Variants in REC114 observed in about 807,000 individuals in gnomAD.
REC114 encodes the protein meiotic recombination protein REC114.
REC114 carries 27 observed loss-of-function variants against 31.3 expected under a neutral mutation model. The ratio of observed to expected loss-of-function variants is 0.86; its 90% CI spans 0.64 to 1.19. The LOEUF (loss-of-function observed/expected upper bound fraction) is 1.19. REC114 is among the 50% of genes most tolerant of loss of function. REC114 has a pLI of 0.00. For synonymous variants in REC114, 134 were observed against 127.7 expected (o/e 1.05, Z -0.33); for missense variants, 344 against 326.9 (o/e 1.05, Z -0.40).
chr15:73,477,412 A>G (rs1380187992), intron 2 of REC114, among the ~76,000 whole-genome samples: 1 of 152,084 alleles, frequency 6.6e-6, no homozygotes, highest in Non-Finnish European at 1.5e-5. Context: ...TACCTATGCC[A>G]AGATTGCAAA....
At chr15:73,446,637 C>T (rs1595857254) in intron 1 of REC114, among the ~76,000 whole-genome samples, 1 of 148,200 alleles carries the variant, frequency 6.7e-6, no homozygotes, top group African/African-American at 2.5e-5. Context: ...AAGACTCTGT[C>T]TCAAAAAAAA....
intron 2 of REC114, among the ~76,000 whole-genome samples, chr15:73,505,811 C>T (rs971769199): frequency 3.9e-5 from 6 of 152,288 alleles, no homozygotes; most frequent in Middle Eastern, 3.4e-3. Context: ...GGATTACAGG[C>T]GTGAGCCACC....
intron 2 of REC114, among the ~76,000 whole-genome samples, chr15:73,506,741 ACT>A (rs939132119): frequency 1.3e-5 from 2 of 152,150 alleles, no homozygotes; most frequent in East Asian, 1.9e-4. Context: ...GAGGCAAATA[ACT>A]CTATCAAACT....
At chr15:73,526,310 T>C (rs938585182) in intron 2 of REC114, among the ~76,000 whole-genome samples, 3 of 152,232 alleles carry the variant, frequency 2.0e-5, no homozygotes, top group African/African-American at 7.2e-5. Context: ...TTGCATTTAA[T>C]GTGATTTTCT....
chr15:73,542,845 G>A (rs1261974767), intron 3 of REC114, among the ~76,000 whole-genome samples: 2 of 152,076 alleles, frequency 1.3e-5, no homozygotes, highest in African/African-American at 4.8e-5. Context: ...GGATGCACTA[G>A]GGTTTAACTC....
chr15:73,542,344 GAAAAA>G (rs11315254), intron 3 of REC114, among the ~76,000 whole-genome samples: 8 of 141,154 alleles, frequency 5.7e-5, no homozygotes, highest in African/African-American at 2.1e-4. Flanking sequence ...AAAAAAAAAA[GAAAAA>G]AAAAAAGAAA....
chr15:73,512,424 G>T, intron 2 of REC114, among the ~76,000 whole-genome samples: 1 of 33,562 alleles, frequency 3.0e-5, no homozygotes, highest in Middle Eastern at 6.0e-3. Flanking sequence ...TCTTTTAATT[G>T]GAGCATTTAG....
chr15:73,515,020 G>T (rs906124339), intron 2 of REC114, among the ~76,000 whole-genome samples: 6 of 150,300 alleles, frequency 4.0e-5, no homozygotes, highest in Non-Finnish European at 8.8e-5. Context: ...GCTTACTGCA[G>T]CCTCAACCTC....
intron 2 of REC114, among the ~76,000 whole-genome samples, chr15:73,510,428 C>G (rs1893746661): frequency 1.3e-5 from 2 of 151,486 alleles, no homozygotes; most frequent in Non-Finnish European, 2.9e-5. Flanking sequence ...ATTGAATACC[C>G]TTTATTTCCT....
At chr15:73,519,900 TATATG>T (rs1324156112) in intron 2 of REC114, among the ~76,000 whole-genome samples, 4 of 152,222 alleles carry the variant, frequency 2.6e-5, no homozygotes, top group East Asian at 3.8e-4. Context: ...TGATTCCTCT[TATATG>T]AGATGTCTAA....
At position 73,559,745 on chromosome 15, in the gene REC114, C is replaced by T; in HGVS notation, c.637-7C>T. 2.0e-6 allele frequency: 3 copies of T among 1,536,684 alleles called. No homozygotes were observed. The highest frequency in any genetic ancestry group is 1.3e-5 in the South Asian group (1 of 76,376). On this transcript the variant is annotated splice_polypyrimidine_tract_variant and splice_region_variant and intron_variant, in intron 5 of 5. Transcript: ENST00000331090. ...AATCTGTAACGACTTTTCTGGTATC[C>T]CTGCAGACTCTTCTGGCATCGGAGG...
intron 1 of REC114, among the ~76,000 whole-genome samples, chr15:73,463,894 C>G (rs1175515942): frequency 2.0e-5 from 3 of 151,922 alleles, no homozygotes; most frequent in Admixed American, 2.0e-4. Flanking sequence ...TTAAGATCTT[C>G]TTCTATCCAT....
intron 2 of REC114, among the ~76,000 whole-genome samples, chr15:73,485,893 C>G (rs1393284936): frequency 6.6e-6 from 1 of 152,224 alleles, no homozygotes; most frequent in East Asian, 1.9e-4. Flanking sequence ...TTTAAAACCA[C>G]TGTGATCAAT....
At chr15:73,459,724 C>T (rs372194523) in intron 1 of REC114, among the ~76,000 whole-genome samples, 8 of 152,274 alleles carry the variant, frequency 5.3e-5, no homozygotes, top group African/African-American at 1.9e-4. Context: ...AACCAACTGT[C>T]ATGGGCAGAA....
intron 2 of REC114, among the ~76,000 whole-genome samples, chr15:73,505,828 G>A (rs535760477): frequency 2.6e-5 from 4 of 152,234 alleles, no homozygotes; most frequent in African/African-American, 7.2e-5. Flanking sequence ...CACCGCGCCC[G>A]GCCTGCACTT....
chr15:73,557,896 T>G (rs1894494326), intron 5 of REC114, among the ~76,000 whole-genome samples: 1 of 152,236 alleles, frequency 6.6e-6, no homozygotes, highest in African/African-American at 2.4e-5. Context: ...CATATCAAAT[T>G]TAATATTATG....
intron 1 of REC114, among the ~76,000 whole-genome samples, chr15:73,465,510 T>G (rs546371434): frequency 6.6e-6 from 1 of 152,212 alleles, no homozygotes; most frequent in Non-Finnish European, 1.5e-5. Context: ...GTAACATCTG[T>G]GTCCTGTCTT....
chr15:73,468,598 T>A (rs530549651), intron 1 of REC114, among the ~76,000 whole-genome samples: 1 of 152,220 alleles, frequency 6.6e-6, no homozygotes, highest in African/African-American at 2.4e-5. Flanking sequence ...GGTAACAATG[T>A]TGAATAGAAG....
Position 73,491,900 on chromosome 15 carries a change from A to G in REC114, c.249+17979A>G, listed in dbSNP as rs191522615. Among the ~76,000 whole-genome samples, 423 of 150,904 alleles carry G rather than the reference A, an allele frequency of 2.8e-3. 3 individuals carry two copies. The highest frequency in any genetic ancestry group is 9.7e-3 in the African/African-American group (398 of 41,178). On this transcript the variant is annotated intron_variant, in intron 2 of 5. Coordinates refer to ENST00000331090, the MANE Select transcript of REC114 (RefSeq NM_001042367.2). ...GGGTGACAGAGTGAAACTCTGTCTCAAGAAAAAAAAAAAAGTGATTGTACC... is the reference window on the plus strand; with the variant it reads ...GGGTGACAGAGTGAAACTCTGTCTCGAGAAAAAAAAAAAAGTGATTGTACC...
Sources: gnomAD v4.1 joint callset for allele counts (sites outside exome capture counted in the v4.1 genomes callset) on GRCh38, gnomAD v4.1.1 for gene constraint, MANE v1.5 for transcripts, NCBI Gene and HGNC (gene_info 2026-07-23, HGNC 2026-07-21) for gene names.